Variants in M1AP observed in about 807,000 individuals in gnomAD.
The protein encoded by M1AP is meiosis 1 arrest protein.
Under a neutral mutation model 51.2 loss-of-function variants are expected in M1AP, and 39 were observed. The ratio of observed to expected loss-of-function variants is 0.76; its 90% CI spans 0.59 to 1.00. The LOEUF is 1.00. Among genes scored for constraint, M1AP ranks in the 50% least tolerant of loss-of-function variants. The probability of loss-of-function intolerance (pLI) is 0.00; values close to 1 mark genes in which losing one functional copy is unlikely to be tolerated. For missense variants in M1AP, 545 were observed against 641.2 expected (o/e 0.85, Z 1.62); for synonymous variants, 251 against 249.2 (o/e 1.01, Z -0.07).
intron 7 of M1AP, among the ~76,000 whole-genome samples, chr2:74,574,414 T>C (rs1432725688): frequency 6.6e-6 from 1 of 152,208 alleles, no homozygotes; most frequent in Non-Finnish European, 1.5e-5. Flanking sequence ...CACTTGGTCA[T>C]AGCTAAAAGG....
chr2:74,635,718 C>T (rs1225045986), intron 2 of M1AP, among the ~76,000 whole-genome samples: 3 of 152,128 alleles, frequency 2.0e-5, no homozygotes, highest in Admixed American at 6.5e-5. Context: ...TTTCCCTTGA[C>T]ATTTTGCTTT....
intron 2 of M1AP, chr2:74,615,953 T>C (rs985488330): frequency 6.6e-6 from 1 of 152,182 alleles, no homozygotes; most frequent in Non-Finnish European, 1.5e-5. Flanking sequence ...CTGAGTGATA[T>C]CTGTAATGCA....
intron 2 of M1AP, among the ~76,000 whole-genome samples, chr2:74,619,655 A>C (rs1208884729): frequency 6.6e-6 from 1 of 152,238 alleles, no homozygotes; most frequent in Non-Finnish European, 1.5e-5. Context: ...GACTTTTTTA[A>C]AGGTATAAGA....
chr2:74,601,116 G>A (rs1490654845), intron 4 of M1AP, among the ~76,000 whole-genome samples: 1 of 151,946 alleles, frequency 6.6e-6, no homozygotes, highest in African/African-American at 2.4e-5. Flanking sequence ...ATTTTATAAA[G>A]CCCTATTTTA....
intron 1 of M1AP, among the ~76,000 whole-genome samples, chr2:74,644,672 A>G (rs1410082301): frequency 6.6e-6 from 1 of 152,198 alleles, no homozygotes; most frequent in Non-Finnish European, 1.5e-5. Context: ...TTGAGTTCCA[A>G]TTACGTGCTG....
At chr2:74,576,348 T>C (rs112300450) in intron 6 of M1AP, 108 bp downstream of exon 6, 23 of 1,233,620 alleles carry the variant, frequency 1.9e-5, no homozygotes, top group African/African-American at 9.0e-5. Flanking sequence ...CGGAACTGAC[T>C]CTTGCCTGCC....
At chr2:74,628,820 T>C (rs1415818885) in intron 2 of M1AP, 4 of 474,020 alleles carry the variant, frequency 8.4e-6, no homozygotes, top group Non-Finnish European at 1.7e-5. Flanking sequence ...CTTGAAAGAA[T>C]AAGTGGAAAA....
At chr2:74,625,497 G>C (rs1682330244) in intron 2 of M1AP, among the ~76,000 whole-genome samples, 1 of 151,706 alleles carries the variant, frequency 6.6e-6, no homozygotes, top group Admixed American at 6.6e-5. Flanking sequence ...TCTCCCCATG[G>C]TCTGTGTATT....
chr2:74,563,606 T>TAAAAAAAAA (rs750014043), intron 7 of M1AP, among the ~76,000 whole-genome samples: 8 of 54,594 alleles, frequency 1.5e-4, no homozygotes, highest in Admixed American at 2.2e-4. Context: ...TCTCAAAACA[T>TAAAAAAAAA]AAAAAAAAAA....
intron 4 of M1AP, 139 bp from the exon 5 acceptor site, chr2:74,581,986 A>G (rs1318991723): frequency 2.9e-6 from 2 of 687,854 alleles, no homozygotes; most frequent in East Asian, 2.7e-5. Flanking sequence ...GGCTATTCAC[A>G]TGCACAATCA....
At chr2:74,616,732 A>G (rs1332781293) in intron 2 of M1AP, among the ~76,000 whole-genome samples, 1 of 152,216 alleles carries the variant, frequency 6.6e-6, no homozygotes, top group African/African-American at 2.4e-5. Flanking sequence ...TTAAAACAAC[A>G]TGTATATACA....
chr2:74,644,537 CAAAAAAA>C (rs60145444), intron 1 of M1AP, among the ~76,000 whole-genome samples: 1 of 82,974 alleles, frequency 1.2e-5, no homozygotes, highest in East Asian at 3.7e-4. Flanking sequence ...GACCCCGTCT[CAAAAAAA>C]AAAAAAAAAA....
In M1AP at chr2:74,640,255, A is replaced by C. The variant is rs1333853417; in HGVS notation, c.21T>G (p.Thr7=). The part of the protein sequence containing the change: MHPGRT[T]GKGPSTHTQI... ...GAGTGTGAGTAGAGGGCCCTTTACC[A>C]GTAGTTCGCCCAGGATGCATGGCAG... Residue 7 remains threonine (T), a synonymous_variant, in exon 2 of 11, where the codon ACT becomes ACG. Coordinates refer to ENST00000421985, the MANE Select transcript of M1AP (RefSeq NM_001321739.2). 1 of 1,614,102 alleles carries C rather than the reference A, an allele frequency of 6.2e-7. No homozygotes were observed. The highest frequency in any genetic ancestry group is 8.5e-7 in the Non-Finnish European group (1 of 1,179,978).
At chr2:74,598,642 T>G (rs925293544) in intron 4 of M1AP, among the ~76,000 whole-genome samples, 1 of 112,280 alleles carries the variant, frequency 8.9e-6, no homozygotes, top group African/African-American at 5.3e-5. Context: ...TTTTTTTTTT[T>G]GAGACAGAGT....
At chr2:74,622,698 A>C (rs1682131360) in intron 2 of M1AP, among the ~76,000 whole-genome samples, 1 of 151,894 alleles carries the variant, frequency 6.6e-6, no homozygotes, top group Non-Finnish European at 1.5e-5. Flanking sequence ...AAATGGTCTG[A>C]TATGCAAGAA....
intron 3 of M1AP, among the ~76,000 whole-genome samples, chr2:74,614,337 C>T (rs1681540692): frequency 6.6e-6 from 1 of 152,140 alleles, no homozygotes; most frequent in Non-Finnish European, 1.5e-5. Flanking sequence ...GTGGCAACTT[C>T]CAAGCTCCTT....
intron 4 of M1AP, among the ~76,000 whole-genome samples, chr2:74,598,935 C>A (rs1007301535): frequency 9.2e-5 from 14 of 151,842 alleles, no homozygotes; most frequent in African/African-American, 2.9e-4. Context: ...TTCATGTATA[C>A]TTTGATGAAC....
At chr2:74,610,484 T>G (rs1681272370) in intron 3 of M1AP, among the ~76,000 whole-genome samples, 1 of 152,238 alleles carries the variant, frequency 6.6e-6, no homozygotes, top group South Asian at 2.1e-4. Context: ...GGTCTTGCTC[T>G]GTTGCCCAGG....
At chr2:74,565,382 T>C (rs1445656929) in intron 7 of M1AP, among the ~76,000 whole-genome samples, 1 of 152,036 alleles carries the variant, frequency 6.6e-6, no homozygotes, top group Non-Finnish European at 1.5e-5. Flanking sequence ...TATTAGCAAA[T>C]CAAATTTAGC....
Sources: gnomAD v4.1 joint callset for allele counts (sites outside exome capture counted in the v4.1 genomes callset) on GRCh38, gnomAD v4.1.1 for gene constraint, MANE v1.5 for transcripts, NCBI Gene and HGNC (gene_info 2026-07-23, HGNC 2026-07-21) for gene names.